PLG: variants seen among roughly 807,000 people sequenced by gnomAD.
The protein encoded by PLG is plasmin.
In PLG, 41 loss-of-function variants were observed where a neutral mutation model predicts 104.4. The ratio of observed to expected loss-of-function variants is 0.39; its 90% CI spans 0.31 to 0.51. PLG has a LOEUF of 0.51. PLG is among the 20% of genes least tolerant of loss of function. The probability of loss-of-function intolerance (pLI) is 0.76; values close to 1 mark genes in which losing one functional copy is unlikely to be tolerated. For missense variants in PLG, 891 were observed against 1,003.6 expected (o/e 0.89, Z 1.52); for synonymous variants, 337 against 357.1 (o/e 0.94, Z 0.63).
At chr6:160,722,595 G>A (rs763563451) in intron 10 of PLG, 28 bp downstream of exon 10, 2 of 1,604,434 alleles carry the variant, frequency 1.2e-6, no homozygotes, top group Non-Finnish European at 8.5e-7. Context: ...ACTGTAAGAG[G>A]GGCATCAGCC....
At position 160,736,790 on chromosome 6, in the gene PLG, A is replaced by C; in HGVS notation, c.1682-97A>C. ...ATTTTACTATTTAGTTCGGCCTTTAAGATGTCAAAAACTCAGTGCTTGGAA... is the reference window on the plus strand; with the variant it reads ...ATTTTACTATTTAGTTCGGCCTTTACGATGTCAAAAACTCAGTGCTTGGAA... On this transcript the variant is annotated intron_variant, in intron 13 of 18. Coordinates refer to ENST00000308192, the MANE Select transcript of PLG (RefSeq NM_000301.5). The surrounding 1 kb of genome is among the most constrained non-coding windows in gnomAD (Gnocchi z 5.2). The C allele has an allele frequency of 2.0e-6, 3 of 1,506,000 alleles. No homozygotes were observed. Among genetic ancestry groups the C allele is most frequent in the Middle Eastern group, 1.7e-4 (1 of 5,856 alleles). The allele number at this position is 1,506,000 out of a possible 1,614,324, so 93.3% of individuals were successfully genotyped here. A position where few individuals can be genotyped will look rare whatever the true frequency, so the allele number is the denominator to read the frequency against.
intron 5 of PLG, 192 bp downstream of exon 5, chr6:160,713,317 C>A: frequency 1.7e-6 from 1 of 574,690 alleles, no homozygotes; most frequent in Non-Finnish European, 3.2e-6. Context: ...GTTGCCCAGG[C>A]TAGAGTGCAA....
Position 160,732,128 on chromosome 6 carries a change from G to A in PLG, c.1587+235G>A, listed in dbSNP as rs1173823638. ...CCTCCACACATGTGAGGGTTCTCAG[G>A]CCTCTTCCCTTTAGTGACATTTCTT... is the stretch of plus-strand genomic sequence containing the variant. On this transcript the variant is annotated intron_variant, in intron 12 of 18. Transcript: ENST00000308192. The surrounding 1 kb of genome is among the most constrained non-coding windows in gnomAD (Gnocchi z 4.5). Among the ~76,000 whole-genome samples the A allele has an allele frequency of 6.6e-6, 1 of 152,184 alleles. No individual in the cohort carries two copies. Among genetic ancestry groups the A allele is most frequent in the Admixed American group, 6.5e-5 (1 of 15,280 alleles).
rs1370436319 is a variant in PLG at position 160,718,985 on chromosome 6, A to G, written c.1096+147A>G. ...GCCCTTATGATTTCAGTTTTTTTAG[A>G]TTTGTTGAGGTTTGTTTTATGGTTC... On this transcript the variant is annotated intron_variant, in intron 9 of 18. Coordinates refer to ENST00000308192, the MANE Select transcript of PLG (RefSeq NM_000301.5). The G allele has an allele frequency of 5.4e-6, 4 of 737,432 alleles. No individual in the cohort carries two copies. The East Asian group carries it at 1.1e-4, about 20-fold the overall frequency. 45.7% of individuals were successfully genotyped at this position (737,432 alleles called of 1,614,324 possible).
chr6:160,751,167 A>G (rs1359043157), intron 17 of PLG, among the ~76,000 whole-genome samples: 1 of 152,226 alleles, frequency 6.6e-6, no homozygotes, highest in Non-Finnish European at 1.5e-5. Context: ...ATTGGGAGAC[A>G]GAAATATGTC....
chr6:160,704,091 A>G (rs1260114701), intron 1 of PLG, among the ~76,000 whole-genome samples: 2 of 152,268 alleles, frequency 1.3e-5, no homozygotes, highest in African/African-American at 4.8e-5. Flanking sequence ...CATTTGCATC[A>G]GTAGCAATAT....
In PLG at chr6:160,716,545, T is replaced by C. The variant is rs574680180; in HGVS notation, c.669-100T>C. On this transcript the variant is annotated intron_variant, in intron 6 of 18. Coordinates refer to ENST00000308192, the MANE Select transcript of PLG (RefSeq NM_000301.5). ...TGATTACCTCCTCCATGCCCGACTG[T>C]GCCTAGCACACAGCAGGTGCTCAAT... 1.8e-5 allele frequency: 14 copies of C among 794,992 alleles called. No homozygotes were observed. The South Asian group carries it at 1.9e-4, about 11-fold the overall frequency. The allele number at this position is 794,992 out of a possible 1,614,324, so 49.2% of individuals were successfully genotyped here.
intron 17 of PLG, among the ~76,000 whole-genome samples, chr6:160,749,588 C>T (rs546486544): frequency 1.3e-5 from 2 of 151,828 alleles, no homozygotes; most frequent in South Asian, 2.1e-4. Context: ...ACCATTCCAC[C>T]ACCATCACCA....
At chr6:160,751,153 C>A (rs73784951) in intron 17 of PLG, among the ~76,000 whole-genome samples, 1 of 152,076 alleles carries the variant, frequency 6.6e-6, no homozygotes, top group Admixed American at 6.5e-5. Context: ...AATTTGGCAA[C>A]GTTATTGGGA....
intron 7 of PLG, among the ~76,000 whole-genome samples, chr6:160,717,158 G>A (rs1362605930): frequency 2.0e-5 from 3 of 151,850 alleles, no homozygotes; most frequent in East Asian, 3.9e-4. Context: ...TGTTTACAAT[G>A]TTCAGGTCTG....
chr6:160,713,095 T>C lies in PLG; in HGVS notation c.517T>C (p.Tyr173His). The change falls in exon 5 of 19, where the codon TAT (tyrosine) becomes CAT (histidine). Residue 173 changes from tyrosine to histidine, a missense_variant. Coordinates refer to ENST00000308192, the MANE Select transcript of PLG (RefSeq NM_000301.5). ...WCYTTDPEKR[Y>H]DYCDILECEE... Reference sequence around the variant, plus strand: ...CTATACTACTGATCCAGAAAAGAGATATGACTACTGCGACATTCTTGAGTG... The same window carrying C: ...CTATACTACTGATCCAGAAAAGAGACATGACTACTGCGACATTCTTGAGTG... 2 of 1,610,792 alleles carry C rather than the reference T, an allele frequency of 1.2e-6. No homozygotes were observed. The highest frequency in any genetic ancestry group is 8.5e-7 in the Non-Finnish European group (1 of 1,178,760).
intron 2 of PLG, among the ~76,000 whole-genome samples, chr6:160,707,268 G>C (rs1328082991): frequency 1.3e-5 from 2 of 152,164 alleles, no homozygotes; most frequent in Non-Finnish European, 2.9e-5. Context: ...CCACGGGATG[G>C]AGATGGGAGG....
intron 17 of PLG, among the ~76,000 whole-genome samples, chr6:160,751,115 G>A (rs1011219239): frequency 2.0e-5 from 3 of 152,118 alleles, no homozygotes; most frequent in Admixed American, 6.6e-5. Context: ...CTAGTGGCAC[G>A]GTACACTGTC....
Position 160,740,640 on chromosome 6 carries a change from A to G in PLG, c.2019-671A>G, listed in dbSNP as rs145376578. On this transcript the variant is annotated intron_variant, in intron 16 of 18. Coordinates refer to ENST00000308192, the MANE Select transcript of PLG (RefSeq NM_000301.5). This position sits in a 1 kb window ranked among gnomAD's most constrained non-coding sequence, Gnocchi z 5.2. ...CAGAATAGGGCATTTCTTATTTCCA[A>G]TCCTTTATCCTCTTGAACTTACTAA... Among the ~76,000 whole-genome samples the G allele has an allele frequency of 1.3e-4, 20 of 152,298 alleles. No individual in the cohort carries two copies. The East Asian group carries it at 2.5e-3, about 19-fold the overall frequency.
chr6:160,742,433 G>C (rs143918217), intron 17 of PLG, among the ~76,000 whole-genome samples: 4 of 151,486 alleles, frequency 2.6e-5, no homozygotes, highest in Admixed American at 1.3e-4. Context: ...TCATATGTTT[G>C]TTGGCCACAG....
intron 3 of PLG, chr6:160,708,027 A>G (rs1777564736): frequency 2.0e-6 from 1 of 495,000 alleles, no homozygotes; most frequent in Non-Finnish European, 3.8e-6. Context: ...CAAAAGATGA[A>G]AGGATTAGAT....
Position 160,707,822 on chromosome 6 carries a change from T to C in PLG, c.292+16T>C, listed in dbSNP as rs1777558163. 3.2e-6 allele frequency: 5 copies of C among 1,542,298 alleles called. No homozygotes were observed. Among genetic ancestry groups the C allele is most frequent in the Middle Eastern group, 4.7e-4 (2 of 4,290 alleles). Reference sequence around the variant, plus strand: ...GAAAAGAAAGGTGAGTACATTTTCTTCCTCCTCCTCCTACTGTCCTCCCCA... The same window carrying C: ...GAAAAGAAAGGTGAGTACATTTTCTCCCTCCTCCTCCTACTGTCCTCCCCA... On this transcript the variant is annotated intron_variant, in intron 3 of 18. Coordinates refer to ENST00000308192, the MANE Select transcript of PLG (RefSeq NM_000301.5).
Position 160,737,123 on chromosome 6 carries a change from C to A in PLG, c.1802+116C>A. 7.7e-7 allele frequency: 1 copy of A among 1,303,776 alleles called. No homozygotes were observed. The highest frequency in any genetic ancestry group is 1.1e-6 in the Non-Finnish European group (1 of 937,774). The allele number at this position is 1,303,776 out of a possible 1,614,324, so 80.8% of individuals were successfully genotyped here. A position where few individuals can be genotyped will look rare whatever the true frequency, so the allele number is the denominator to read the frequency against. ...GCATCAGCACCTGCCTCTAAGTTTT[C>A]TGAAGGAGGAAAAAAGCTACAAAAA... On this transcript the variant is annotated intron_variant, in intron 14 of 18. Transcript: ENST00000308192. The surrounding 1 kb of genome is among the most constrained non-coding windows in gnomAD (Gnocchi z 4.7).
intron 1 of PLG, among the ~76,000 whole-genome samples, chr6:160,703,216 G>C (rs1342723017): frequency 1.3e-5 from 2 of 149,784 alleles, no homozygotes; most frequent in African/African-American, 4.9e-5. Context: ...TTTCAGCTTT[G>C]TTTAAGCCTT....
Sources: gnomAD v4.1 joint callset for allele counts (sites outside exome capture counted in the v4.1 genomes callset) on GRCh38, gnomAD v4.1.1 for gene constraint, Gnocchi (gnomAD v3.1) non-coding constraint, MANE v1.5 for transcripts, NCBI Gene and HGNC (gene_info 2026-07-23, HGNC 2026-07-21) for gene names.